RBFOX1: variants seen among roughly 807,000 people sequenced by gnomAD.
The protein encoded by RBFOX1 is RNA binding fox-1 homolog 1, also known as RNA binding protein fox-1 homolog 1.
RBFOX1 carries 8 observed loss-of-function variants against 57.7 expected under a neutral mutation model. The observed-to-expected ratio is 0.14, with a 90% confidence interval of 0.08 to 0.25. The LOEUF is 0.25. Among genes scored for constraint, RBFOX1 ranks in the 10% least tolerant of loss-of-function variants. RBFOX1 has a pLI of 1.00. For synonymous variants in RBFOX1, 326 were observed against 222.4 expected (o/e 1.47, Z -4.15); for missense variants, 611 against 548.5 (o/e 1.11, Z -1.14).
chr16:6,997,144 C>T (rs1274425940), intron 3 of RBFOX1, among the ~76,000 whole-genome samples: 1 of 152,036 alleles, frequency 6.6e-6, no homozygotes, highest in Non-Finnish European at 1.5e-5. Context: ...CAATAGTTGT[C>T]TTTTCTGTTA....
intron 2 of RBFOX1, among the ~76,000 whole-genome samples, chr16:6,432,691 A>T (rs2094133307): frequency 6.6e-6 from 1 of 151,982 alleles, no homozygotes; most frequent in African/African-American, 2.4e-5. Context: ...CAAGAAAAAT[A>T]ATAATAGGCT....
intron 1 of RBFOX1, among the ~76,000 whole-genome samples, chr16:5,357,599 A>G (rs2065426303): frequency 6.6e-6 from 1 of 152,188 alleles, no homozygotes; most frequent in South Asian, 2.1e-4. Context: ...CAGGTAGGTT[A>G]TGTGATTCTA....
At chr16:6,430,967 GAAAAAAAAAAAAA>G (rs59044318) in intron 2 of RBFOX1, among the ~76,000 whole-genome samples, 2 of 90,508 alleles carry the variant, frequency 2.2e-5, no homozygotes, top group African/African-American at 8.5e-5. Flanking sequence ...CTCATCTCCA[GAAAAAAAAAAAAA>G]AAAAAAAATT....
chr16:7,327,407 G>T (rs1284552643), intron 4 of RBFOX1, among the ~76,000 whole-genome samples: 1 of 152,182 alleles, frequency 6.6e-6, no homozygotes, highest in Admixed American at 6.5e-5. Context: ...GATGCTGTAG[G>T]AAATTTTCCA....
At chr16:7,332,798 C>T (rs545867468) in intron 4 of RBFOX1, 15 of 1,399,080 alleles carry the variant, frequency 1.1e-5, no homozygotes, top group African/African-American at 4.3e-5. Context: ...GTCTCTTCGT[C>T]GTCTGGGAAG....
chr16:6,620,793 C>G (rs1601750244), intron 2 of RBFOX1, among the ~76,000 whole-genome samples: 1 of 150,430 alleles, frequency 6.6e-6, no homozygotes, highest in Non-Finnish European at 1.5e-5. Flanking sequence ...CCTCCCCAGA[C>G]TGATTTACAG....
At chr16:6,710,618 T>G (rs944838657) in intron 3 of RBFOX1, among the ~76,000 whole-genome samples, 2 of 152,240 alleles carry the variant, frequency 1.3e-5, no homozygotes, top group Admixed American at 6.5e-5. Flanking sequence ...CTAATTCAAA[T>G]GAGCTACAGC....
chr16:5,575,299 A>G (rs146903248), intron 2 of RBFOX1, among the ~76,000 whole-genome samples: 5 of 152,204 alleles, frequency 3.3e-5, no homozygotes, highest in African/African-American at 1.2e-4. Context: ...CGTCATCATC[A>G]TCATTTTCAT....
intron 3 of RBFOX1, among the ~76,000 whole-genome samples, chr16:7,047,372 G>A (rs1405149220): frequency 1.3e-5 from 2 of 152,010 alleles, no homozygotes; most frequent in African/African-American, 4.8e-5. Flanking sequence ...ATTTTCTGCT[G>A]ACCTCTCTGG....
chr16:5,841,532 T>C (rs1230757046), intron 3 of RBFOX1, among the ~76,000 whole-genome samples: 3 of 152,204 alleles, frequency 2.0e-5, no homozygotes, highest in African/African-American at 7.2e-5. Flanking sequence ...CTTTTCAATA[T>C]ATGAATGGAC....
chr16:7,240,108 G>A (rs762632537), intron 4 of RBFOX1, among the ~76,000 whole-genome samples: 17 of 151,928 alleles, frequency 1.1e-4, no homozygotes, highest in East Asian at 1.9e-4. Context: ...CTGGGATTAC[G>A]GGCACCCGCC....
intron 4 of RBFOX1, among the ~76,000 whole-genome samples, chr16:7,208,501 G>A (rs985149780): frequency 6.6e-6 from 1 of 152,110 alleles, no homozygotes; most frequent in African/African-American, 2.4e-5. Flanking sequence ...ATAGTGGGAG[G>A]GGAAGCAAGA....
At chr16:7,602,189 C>A (rs1242818458) in intron 9 of RBFOX1, among the ~76,000 whole-genome samples, 1 of 152,228 alleles carries the variant, frequency 6.6e-6, no homozygotes, top group Admixed American at 6.5e-5. Context: ...ATAGTTAACA[C>A]TGGAGGTCTT....
At chr16:7,114,024 G>A (rs1006072798) in intron 4 of RBFOX1, among the ~76,000 whole-genome samples, 37 of 152,280 alleles carry the variant, frequency 2.4e-4, no homozygotes, top group Middle Eastern at 6.8e-3. Context: ...AATAATGAAT[G>A]TGCAATGAAT....
At chr16:6,466,976 C>A (rs1411753967) in intron 2 of RBFOX1, among the ~76,000 whole-genome samples, 1 of 151,282 alleles carries the variant, frequency 6.6e-6, no homozygotes, top group Non-Finnish European at 1.5e-5. Context: ...ATTAATTACA[C>A]TTAATGAAAT....
chr16:5,649,018 T>C (rs564375268), intron 3 of RBFOX1, among the ~76,000 whole-genome samples: 4 of 152,040 alleles, frequency 2.6e-5, no homozygotes, highest in African/African-American at 9.6e-5. Flanking sequence ...AAGTAGAGAT[T>C]GTGCCACTGC....
rs1383419827 is a variant in RBFOX1, at chr16:5,888,167, G to C, written c.351+20832G>C. On this transcript the variant is annotated intron_variant, in intron 4 of 19. Transcript: ENST00000641259. Reference sequence around the variant, plus strand: ...CTTTCTCAGCCACTGTGGTGTGCCAGGTTCCTCCTGCCCCAGCGCCTTTGC... The same window carrying C: ...CTTTCTCAGCCACTGTGGTGTGCCACGTTCCTCCTGCCCCAGCGCCTTTGC... Among the ~76,000 whole-genome samples, 5 of 152,252 alleles carry C rather than the reference G, an allele frequency of 3.3e-5. No individual in the cohort carries two copies. In the East Asian group the frequency reaches 7.8e-4, roughly 24 times the overall value.
chr16:6,299,220 T>C (rs2078501140), intron 1 of RBFOX1, among the ~76,000 whole-genome samples: 1 of 152,170 alleles, frequency 6.6e-6, no homozygotes, highest in South Asian at 2.1e-4. Flanking sequence ...CCCCACAAAC[T>C]CATCTGAAAC....
rs937289375 is a variant in RBFOX1, at chr16:7,542,577, G to A, written c.270+24188G>A. On this transcript the variant is annotated intron_variant, in intron 5 of 15. Coordinates refer to ENST00000550418, the MANE Select transcript of RBFOX1 (RefSeq NM_018723.4). ...GAGATAGAAATAGAGGGATGGGGCC[G>A]GGTGCAGTGGCTCACACCTGTAATC... Among the ~76,000 whole-genome samples, 13 of 151,946 alleles carry A rather than the reference G, an allele frequency of 8.6e-5. 1 individual carries two copies. Among genetic ancestry groups the A allele is most frequent in the Middle Eastern group, 6.8e-3 (2 of 294 alleles).
Sources: allele counts gnomAD v4.1 joint callset (sites outside exome capture counted in the v4.1 genomes callset), GRCh38; gene constraint gnomAD v4.1.1; transcripts MANE v1.5; gene names NCBI Gene and HGNC (gene_info 2026-07-23, HGNC 2026-07-21).